Variants in CR1 observed in about 807,000 individuals in gnomAD.
CR1 encodes the protein complement receptor type 1.
CR1 carries 116 observed loss-of-function variants against 187.3 expected under a neutral mutation model. The ratio of observed to expected loss-of-function variants is 0.62; its 90% CI spans 0.53 to 0.72. The LOEUF (loss-of-function observed/expected upper bound fraction) is 0.72, where lower values mean the gene tolerates loss of function less well. CR1 is among the 30% of genes least tolerant of loss of function. The pLI, the probability that CR1 is intolerant of heterozygous loss-of-function variation, is 0.00. For missense variants in CR1, 1,731 were observed against 2,110.7 expected, an observed-to-expected ratio of 0.82 and a Z score of 3.52; for synonymous variants, 576 against 747.1, an observed-to-expected ratio of 0.77 and a Z score of 3.73.
chr1:207,583,159 C>T (rs1262554418), intron 32 of CR1, among the ~76,000 whole-genome samples: 2 of 152,186 alleles, frequency 1.3e-5, no homozygotes, highest in African/African-American at 4.8e-5. Flanking sequence ...TATGATGAAG[C>T]AGCCACTGCA....
chr1:207,596,422 T>C (rs1014514059), intron 35 of CR1, among the ~76,000 whole-genome samples: 2 of 152,096 alleles, frequency 1.3e-5, no homozygotes, highest in African/African-American at 4.8e-5. Flanking sequence ...AAGACCAGCC[T>C]GGCCAACATG....
chr1:207,584,926 C>T, intron 33 of CR1, 50 bp downstream of exon 33: 1 of 1,602,918 alleles, frequency 6.2e-7, no homozygotes, highest in Non-Finnish European at 8.5e-7. Flanking sequence ...TATGTGGACC[C>T]AATCCCTCAT....
chr1:207,591,072 G>A (rs568055727), intron 35 of CR1, among the ~76,000 whole-genome samples: 1 of 152,226 alleles, frequency 6.6e-6, no homozygotes, highest in South Asian at 2.1e-4. Flanking sequence ...AGGATATTCA[G>A]GACCTGAACT....
intron 4 of CR1, among the ~76,000 whole-genome samples, chr1:207,517,175 A>G (rs1327803254): frequency 3.3e-5 from 5 of 152,120 alleles, no homozygotes; most frequent in African/African-American, 1.2e-4. Context: ...TGTTAATGTA[A>G]TATATTACAT....
chr1:207,568,122 A>G lies in CR1; in HGVS notation c.4171+80A>G, dbSNP rs985674995. The G allele has an allele frequency of 5.2e-5, 84 of 1,608,744 alleles. 1 individual carries two copies. The highest frequency in any genetic ancestry group is 3.4e-4 in the Middle Eastern group (2 of 5,840). ...CTCCATATTTCCATAATTACAGTGT[A>G]GTATTTATTTGTATGTATGCATTTG... On this transcript the variant is annotated intron_variant, in intron 25 of 46. Coordinates refer to ENST00000367049, the MANE Select transcript of CR1 (RefSeq NM_000651.6).
intron 3 of CR1, 111 bp from the exon 4 acceptor site, chr1:207,511,458 T>G (rs1659613909): frequency 1.9e-6 from 2 of 1,029,742 alleles, no homozygotes; most frequent in East Asian, 2.5e-5. Context: ...CTTTGATGAG[T>G]GTAAAAAGTC....
intron 36 of CR1, among the ~76,000 whole-genome samples, chr1:207,608,578 T>C (rs1661817321): frequency 1.3e-5 from 2 of 152,150 alleles, no homozygotes; most frequent in Non-Finnish European, 2.9e-5. Context: ...ACAAGGTGCC[T>C]CCCATATCTG....
At chr1:207,602,598 A>G (rs1661636571) in intron 35 of CR1, among the ~76,000 whole-genome samples, 1 of 152,106 alleles carries the variant, frequency 6.6e-6, no homozygotes, top group Admixed American at 6.6e-5. Flanking sequence ...TAAAGTTCAA[A>G]GGAAAAGAAC....
chr1:207,502,364 C>T (rs1378289739), intron 1 of CR1, among the ~76,000 whole-genome samples: 1 of 152,008 alleles, frequency 6.6e-6, no homozygotes, highest in Non-Finnish European at 1.5e-5. Context: ...ATTCCAAATC[C>T]CTAAGAGGGT....
chr1:207,574,762 T>G (rs10127904), intron 27 of CR1, among the ~76,000 whole-genome samples: 32,002 of 152,144 alleles, frequency 0.21, 4,279 homozygotes, highest in Non-Finnish European at 0.31. Context: ...GGTTTAAATA[T>G]CTGTTGTGTG....
In CR1 at chr1:207,524,842, C is replaced by A. The variant is rs182435851; in HGVS notation, c.886+833C>A. Among the ~76,000 whole-genome samples, 122 of 151,970 alleles carry A rather than the reference C, an allele frequency of 8.0e-4. 1 individual carries two copies. Among genetic ancestry groups the A allele is most frequent in the African/African-American group, 2.8e-3 (116 of 41,318 alleles). On this transcript the variant is annotated intron_variant, in intron 5 of 46. Coordinates refer to ENST00000367049, the MANE Select transcript of CR1 (RefSeq NM_000651.6). ...ATGAAATCAAAACTTACTCTAGATACTTTCAAGGAGGGAGGGATTTCATGC... is the reference window on the plus strand; with the variant it reads ...ATGAAATCAAAACTTACTCTAGATAATTTCAAGGAGGGAGGGATTTCATGC...
chr1:207,575,006 T>A (rs368277470), intron 27 of CR1, among the ~76,000 whole-genome samples: 1 of 152,080 alleles, frequency 6.6e-6, no homozygotes, highest in East Asian at 1.9e-4. Flanking sequence ...TTTCTCCACA[T>A]CCTCATCATT....
chr1:207,632,047 T>C (rs1662661048), intron 46 of CR1, among the ~76,000 whole-genome samples: 1 of 152,218 alleles, frequency 6.6e-6, no homozygotes, highest in Non-Finnish European at 1.5e-5. Context: ...AAAACATAAG[T>C]AGAAGCAATT....
intron 3 of CR1, chr1:207,507,615 G>T (rs1659480572): frequency 6.6e-6 from 1 of 152,286 alleles, no homozygotes; most frequent in Non-Finnish European, 1.5e-5. Flanking sequence ...AAGCACTGGG[G>T]ATTAAGACAT....
intron 39 of CR1, among the ~76,000 whole-genome samples, chr1:207,612,841 G>C (rs1372323380): frequency 1.3e-5 from 2 of 152,228 alleles, no homozygotes; most frequent in African/African-American, 4.8e-5. Context: ...AAGGGAACGT[G>C]GTGGTGCCCA....
chr1:207,635,549 C>T (rs575028489), intron 46 of CR1, among the ~76,000 whole-genome samples: 1 of 152,106 alleles, frequency 6.6e-6, no homozygotes, highest in Non-Finnish European at 1.5e-5. Context: ...GGTTTTACAC[C>T]GAGACATTCC....
chr1:207,578,250 G>C (rs1337091332), intron 29 of CR1, 47 bp downstream of exon 29: 3 of 1,611,730 alleles, frequency 1.9e-6, no homozygotes, highest in Admixed American at 3.3e-5. Context: ...GACATGTGTT[G>C]CTGTTGGATC....
chr1:207,613,959 C>G (rs1305605937), intron 39 of CR1, among the ~76,000 whole-genome samples: 1 of 152,104 alleles, frequency 6.6e-6, no homozygotes, highest in Non-Finnish European at 1.5e-5. Context: ...TCTAGATGTT[C>G]CTGGCTTTGC....
In CR1 at chr1:207,611,932, C is replaced by A; in HGVS notation, c.6473-7C>A. Reference sequence around the variant, plus strand: ...ACTTACTCCTGTTGTTTTATTTTTTCTTCTAGTGAAATCCTGTGATGACTT... The same window carrying A: ...ACTTACTCCTGTTGTTTTATTTTTTATTCTAGTGAAATCCTGTGATGACTT... On this transcript the variant is annotated splice_polypyrimidine_tract_variant and splice_region_variant and intron_variant, in intron 38 of 46. Coordinates refer to ENST00000367049, the MANE Select transcript of CR1 (RefSeq NM_000651.6). 2 of 1,613,770 alleles carry A rather than the reference C, an allele frequency of 1.2e-6. No homozygotes were observed. The highest frequency in any genetic ancestry group is 2.2e-5 in the East Asian group (1 of 44,870).
Sources: allele counts gnomAD v4.1 joint callset (sites outside exome capture counted in the v4.1 genomes callset), GRCh38; gene constraint gnomAD v4.1.1; transcripts MANE v1.5; gene names NCBI Gene and HGNC (gene_info 2026-07-23, HGNC 2026-07-21).